SPAG1: variants seen among roughly 807,000 people sequenced by gnomAD.
SPAG1 encodes the protein sperm-associated antigen 1.
SPAG1 carries 69 observed loss-of-function variants against 100.5 expected under a neutral mutation model. The ratio of observed to expected loss-of-function variants is 0.69; its 90% CI spans 0.57 to 0.84. The LOEUF is 0.84. Among genes scored for constraint, SPAG1 ranks in the 40% least tolerant of loss-of-function variants. SPAG1 has a pLI of 0.00. For missense variants in SPAG1, 955 were observed against 1,133.1 expected (o/e 0.84, Z 2.26); for synonymous variants, 336 against 411.6 (o/e 0.82, Z 2.22).
At chr8:100,203,728 A>C (rs1430612344) in intron 10 of SPAG1, among the ~76,000 whole-genome samples, 1 of 152,118 alleles carries the variant, frequency 6.6e-6, no homozygotes, top group Non-Finnish European at 1.5e-5. Context: ...AAGAAAATGA[A>C]CTCAGGGATT....
chr8:100,177,869 TG>T lies in SPAG1; in HGVS notation c.355del (p.Glu119ArgfsTer6). The stretch of plus-strand genomic sequence containing the variant: ...AAGATAAAATGCACTTTCATGAAAC[TG>T]AGACATTTCCAGCAATGAAAGATAA... The part of the protein sequence containing the change: ...EEDKMHFHET[E>X]TFPAMKDNLP... On this transcript the variant is annotated frameshift_variant, in exon 4 of 19. Transcript: ENST00000388798. LOFTEE classifies it high-confidence loss of function. 6.3e-7 allele frequency: 1 copy of T among 1,595,062 alleles called. No homozygotes were observed. The highest frequency in any genetic ancestry group is 8.6e-7 in the Non-Finnish European group (1 of 1,162,824).
At position 100,239,620 on chromosome 8, in the gene SPAG1, T is replaced by C. The variant is rs562520337; in HGVS notation, c.2280+216T>C. Among the ~76,000 whole-genome samples the C allele has an allele frequency of 1.3e-5, 2 of 152,374 alleles. No individual in the cohort carries two copies. The highest frequency in any genetic ancestry group is 2.4e-5 in the African/African-American group (1 of 41,586). On this transcript the variant is annotated intron_variant, in intron 17 of 18. Coordinates refer to ENST00000388798, the MANE Select transcript of SPAG1 (RefSeq NM_003114.5). The surrounding 1 kb of genome is among the most constrained non-coding windows in gnomAD (Gnocchi z 5.0). ...GTCCATGGATGGTACTGGGAGTCTCTGCATTACTGCAGTTCTTCCTTTCTT... is the reference window on the plus strand; with the variant it reads ...GTCCATGGATGGTACTGGGAGTCTCCGCATTACTGCAGTTCTTCCTTTCTT...
chr8:100,171,945 A>G (rs1815875693), intron 3 of SPAG1, among the ~76,000 whole-genome samples: 1 of 151,314 alleles, frequency 6.6e-6, no homozygotes, highest in Non-Finnish European at 1.5e-5. Context: ...CCCGGGCTAG[A>G]GCGCAGTAGC....
chr8:100,231,961 CAAA>C (rs528009916), intron 15 of SPAG1, among the ~76,000 whole-genome samples: 1 of 137,590 alleles, frequency 7.3e-6, no homozygotes. Flanking sequence ...GACTCTGTCT[CAAA>C]AAAAAAAAAA....
At chr8:100,166,721 C>T (rs952616180) in intron 3 of SPAG1, among the ~76,000 whole-genome samples, 33 of 152,140 alleles carry the variant, frequency 2.2e-4, no homozygotes, top group Admixed American at 2.0e-3. Flanking sequence ...CCAGCCTGGG[C>T]AACATAGGTA....
At chr8:100,214,574 G>A (rs964798743) in intron 12 of SPAG1, among the ~76,000 whole-genome samples, 1 of 152,094 alleles carries the variant, frequency 6.6e-6, no homozygotes, top group Non-Finnish European at 1.5e-5. Context: ...CACTGAAGGG[G>A]GTTTAAACAC....
intron 10 of SPAG1, among the ~76,000 whole-genome samples, chr8:100,195,484 C>T (rs1425788270): frequency 6.6e-6 from 1 of 151,134 alleles, no homozygotes; most frequent in Non-Finnish European, 1.5e-5. Context: ...AGGGAGGGAG[C>T]GAGAAAGAGG....
intron 4 of SPAG1, among the ~76,000 whole-genome samples, chr8:100,181,057 A>G (rs1243565139): frequency 6.6e-6 from 1 of 152,228 alleles, no homozygotes; most frequent in East Asian, 1.9e-4. Context: ...ATGCAGTGTT[A>G]TGAGAATACA....
chr8:100,209,620 T>A (rs1467707205), intron 10 of SPAG1, among the ~76,000 whole-genome samples: 1 of 116,204 alleles, frequency 8.6e-6, no homozygotes, highest in Non-Finnish European at 1.7e-5. Context: ...TTAACCTTAA[T>A]AACAATAAGT....
rs758112866 is a variant in SPAG1, at chr8:100,240,801, A to G, written c.2649+30A>G. The G allele has an allele frequency of 4.5e-6, 7 of 1,565,140 alleles. No homozygotes were observed. The South Asian group carries it at 8.5e-5, about 19-fold the overall frequency. On this transcript the variant is annotated intron_variant, in intron 18 of 18. Transcript: ENST00000388798. ...GTGGCTAAGTATTTTATTAGTAGAA[A>G]TTGGTTTTATTAGGGTTTCTGTAAC...
At chr8:100,173,970 A>T (rs1345054871) in intron 3 of SPAG1, among the ~76,000 whole-genome samples, 1 of 152,218 alleles carries the variant, frequency 6.6e-6, no homozygotes. Flanking sequence ...TATTTACCAC[A>T]ATTTAAAATA....
Position 100,241,772 on chromosome 8 carries a change from T to TCC in SPAG1, c.*754_*755dup, listed in dbSNP as rs138333834. The TCC allele has an allele frequency of 5.9e-5, 9 of 152,098 alleles. No homozygotes were observed. Among genetic ancestry groups the TCC allele is most frequent in the African/African-American group, 1.9e-4 (8 of 41,390 alleles). 9.4% of individuals were successfully genotyped at this position (152,098 alleles called of 1,614,324 possible). ...CCATATTTTACCAAACATTTGAATGTCCCCCTTCCCCCTTTTTTGTTTTCT... is the reference window on the plus strand; with the variant it reads ...CCATATTTTACCAAACATTTGAATGTCCCCCCCTTCCCCCTTTTTTGTTTTCT... On this transcript the variant is annotated 3_prime_UTR_variant, in exon 19 of 19. Transcript: ENST00000388798. The surrounding 1 kb of genome is among the most constrained non-coding windows in gnomAD (Gnocchi z 5.1).
chr8:100,180,657 T>A (rs1816328836), intron 4 of SPAG1, among the ~76,000 whole-genome samples: 1 of 152,232 alleles, frequency 6.6e-6, no homozygotes, highest in South Asian at 2.1e-4. Context: ...TAATAACAGG[T>A]TACTTTCCTT....
chr8:100,202,660 A>C (rs1817332908), intron 10 of SPAG1, among the ~76,000 whole-genome samples: 1 of 135,754 alleles, frequency 7.4e-6, no homozygotes, highest in Non-Finnish European at 1.6e-5. Flanking sequence ...CAGTGAGCCG[A>C]GATCGCGCCA....
intron 9 of SPAG1, among the ~76,000 whole-genome samples, chr8:100,192,100 G>A (rs1254659043): frequency 1.3e-5 from 2 of 152,130 alleles, no homozygotes; most frequent in East Asian, 1.9e-4. Flanking sequence ...AAGTCCCACA[G>A]GGGTGACATA....
At chr8:100,200,159 A>G (rs1817212098) in intron 10 of SPAG1, among the ~76,000 whole-genome samples, 1 of 152,042 alleles carries the variant, frequency 6.6e-6, no homozygotes, top group African/African-American at 2.4e-5. Flanking sequence ...AAGTGTTCTC[A>G]TTGTTCAATT....
intron 8 of SPAG1, 132 bp from the exon 9 acceptor site, chr8:100,191,258 A>T (rs1206433190): frequency 6.8e-6 from 4 of 589,312 alleles, no homozygotes; most frequent in African/African-American, 1.9e-5. Flanking sequence ...AACATGAAAA[A>T]GGGTGTAGTT....
In SPAG1 at chr8:100,213,897, G is replaced by A; in HGVS notation, c.1514G>A (p.Gly505Asp). ...TACCTAAAAGAAGGAAACTGCAGTG[G>A]CTGCATTCAAGATTGTAACAGGTAA... ...ACYLKEGNCS[G>D]CIQDCNRALE... Residue 505 changes from glycine (G) to aspartate (D), a missense_variant, in exon 12 of 19, where the codon GGC (glycine) becomes GAC (aspartate). Transcript: ENST00000388798. The A allele has an allele frequency of 1.3e-6, 2 of 1,599,626 alleles. No homozygotes were observed. Among genetic ancestry groups the A allele is most frequent in the Non-Finnish European group, 8.6e-7 (1 of 1,168,492 alleles).
rs182143211 is a variant in SPAG1, at chr8:100,215,626, C to G, written c.1535+1708C>G. 3.5e-4 allele frequency among the ~76,000 whole-genome samples: 54 copies of G among 152,318 alleles called. 2 individuals carry two copies. The highest frequency in any genetic ancestry group is 4.6e-4 in the Admixed American group (7 of 15,306). On this transcript the variant is annotated intron_variant, in intron 12 of 18. Coordinates refer to ENST00000388798, the MANE Select transcript of SPAG1 (RefSeq NM_003114.5). ...TGCAAGCTCCGCCTCCTGGGTTCACCCCATTCTCCTGCCTCAGCCTGGAGA... is the reference window on the plus strand; with the variant it reads ...TGCAAGCTCCGCCTCCTGGGTTCACGCCATTCTCCTGCCTCAGCCTGGAGA...
Sources: gnomAD v4.1 joint callset for allele counts (sites outside exome capture counted in the v4.1 genomes callset) on GRCh38, gnomAD v4.1.1 for gene constraint, Gnocchi (gnomAD v3.1) non-coding constraint, MANE v1.5 for transcripts, NCBI Gene and HGNC (gene_info 2026-07-23, HGNC 2026-07-21) for gene names.